The following NEK5 variants were observed in gnomAD, a reference collection of about 807,000 sequenced individuals.
The protein encoded by NEK5 is NIMA related kinase 5, also known as serine/threonine-protein kinase Nek5.
A neutral mutation model predicts 109.2 loss-of-function variants in NEK5; 88 were observed. The observed-to-expected ratio is 0.81, with a 90% CI of 0.68 to 0.96. The LOEUF is 0.96. Among genes scored for constraint, NEK5 ranks in the 40% least tolerant of loss-of-function variants. The pLI, the probability that NEK5 is intolerant of heterozygous loss-of-function variation, is 0.00. For missense variants in NEK5, 834 were observed against 920.7 expected (o/e 0.91, Z 1.22); for synonymous variants, 283 against 299.9 (o/e 0.94, Z 0.58).
At chr13:52,093,508 T>C (rs1030650555) in intron 12 of NEK5, among the ~76,000 whole-genome samples, 1 of 151,836 alleles carries the variant, frequency 6.6e-6, no homozygotes, top group Admixed American at 6.6e-5. Flanking sequence ...TGCAGTGAGC[T>C]GAGATCATGC....
At chr13:52,113,464 AAAAT>A (rs772203307) in intron 4 of NEK5, among the ~76,000 whole-genome samples, 7 of 152,162 alleles carry the variant, frequency 4.6e-5, no homozygotes, top group Non-Finnish European at 4.4e-5. Context: ...AGTGAGTTTA[AAAAT>A]AAATAAATAA....
At chr13:52,054,987 G>A (rs199851114) in intron 22 of NEK5, among the ~76,000 whole-genome samples, 13,750 of 149,386 alleles carry the variant, frequency 0.092, 608 homozygotes, top group Non-Finnish European at 0.12. Flanking sequence ...GGCTTCAGAC[G>A]ATCAAATTAC....
At position 52,110,341 on chromosome 13, in the gene NEK5, T is replaced by C; in HGVS notation, c.466A>G (p.Asn156Asp). Residue 156 changes from asparagine to aspartate, a missense_variant and splice_region_variant, in exon 7 of 24, where the codon AAT becomes GAT. By Grantham distance (23) the Asn-to-Asp change is conservative. This residue lies in a region of NEK5 where 777 missense variants were observed against 824.7 expected (regional missense o/e 0.94). Coordinates refer to ENST00000684899, the MANE Select transcript of NEK5 (RefSeq NM_001365552.1). The stretch of plus-strand genomic sequence containing the variant: ...AAAAATTATTTTCAAAGTACTTACT[T>C]ATTCAGGACTCTTGCTATACCAAAG... ...GDFGIARVLN[N>D]SMELARTCIG... The C allele has an allele frequency of 6.2e-7, 1 of 1,600,560 alleles. No homozygotes were observed. The highest frequency in any genetic ancestry group is 1.1e-5 in the South Asian group (1 of 90,616).
chr13:52,065,119 A>G (rs1329385905), intron 21 of NEK5: 1 of 302,958 alleles, frequency 3.3e-6, no homozygotes, highest in Non-Finnish European at 6.3e-6. Flanking sequence ...AATGATCAAT[A>G]AAAAATAAAA....
chr13:52,110,124 A>T (rs1955729449), intron 7 of NEK5, among the ~76,000 whole-genome samples: 1 of 152,220 alleles, frequency 6.6e-6, no homozygotes, highest in African/African-American at 2.4e-5. Context: ...AGAAACTGGA[A>T]TCACACTACA....
At chr13:52,113,341 T>G (rs1302549773) in intron 4 of NEK5, among the ~76,000 whole-genome samples, 1 of 152,128 alleles carries the variant, frequency 6.6e-6, no homozygotes, top group Non-Finnish European at 1.5e-5. Context: ...CTGAATTTTC[T>G]TGAACTGTAG....
At chr13:52,085,421 T>C (rs1379536288) in intron 16 of NEK5, among the ~76,000 whole-genome samples, 1 of 152,234 alleles carries the variant, frequency 6.6e-6, no homozygotes, top group Non-Finnish European at 1.5e-5. Context: ...CTCTAGTTCA[T>C]GGCCTGGCAA....
intron 21 of NEK5, among the ~76,000 whole-genome samples, chr13:52,064,500 G>C (rs530056100): frequency 6.7e-6 from 1 of 149,286 alleles, no homozygotes; most frequent in Non-Finnish European, 1.5e-5. Context: ...AGGGAGGTGG[G>C]GGGGTCAGCC....
Position 52,102,209 on chromosome 13 carries a change from C to T in NEK5, c.693G>A (p.Glu231=), listed in dbSNP as rs751910069. 29 of 1,613,898 alleles carry T rather than the reference C, an allele frequency of 1.8e-5. No homozygotes were observed. The South Asian group carries it at 2.7e-4, about 15-fold the overall frequency. Residue 231 remains glutamate, a synonymous_variant, in exon 10 of 24, where the codon GAG becomes GAA. Transcript: ENST00000684899. ...AGAGCTGAGATATCAAGGAATGGAG[C>T]TCACGAGAAAACCCCGGAGATATTG... ...FAPISPGFSR[E]LHSLISQLFQ...
At chr13:52,118,419 A>G (rs1005137760) in intron 4 of NEK5, among the ~76,000 whole-genome samples, 2 of 152,230 alleles carry the variant, frequency 1.3e-5, no homozygotes, top group Admixed American at 1.3e-4. Flanking sequence ...TCATGAAAAC[A>G]GGGATTTTCA....
At chr13:52,127,307 G>T in intron 3 of NEK5, 59 bp downstream of exon 3, 1 of 904,760 alleles carries the variant, frequency 1.1e-6, no homozygotes, top group Non-Finnish European at 1.8e-6. Context: ...TTTTATATTG[G>T]ATTAAAAGCC....
intron 17 of NEK5, 144 bp downstream of exon 17, chr13:52,083,116 A>C (rs1955047483): frequency 1.1e-5 from 6 of 569,978 alleles, no homozygotes; most frequent in Non-Finnish European, 1.9e-5. Flanking sequence ...ACTGCACTCC[A>C]ACCTGGCGAC....
intron 23 of NEK5, among the ~76,000 whole-genome samples, chr13:52,041,189 A>C (rs1954410036): frequency 6.6e-6 from 1 of 152,198 alleles, no homozygotes; most frequent in African/African-American, 2.4e-5. Flanking sequence ...AAATTAATAA[A>C]AGAAAAAAAT....
At position 52,061,875 on chromosome 13, in the gene NEK5, C is replaced by T; in HGVS notation, c.2054G>A (p.Ser685Asn). The T allele has an allele frequency of 1.0e-6, 1 of 985,736 alleles. No individual in the cohort carries two copies. Among genetic ancestry groups the T allele is most frequent in the African/African-American group, 1.7e-5 (1 of 57,358 alleles). 61.1% of individuals were successfully genotyped at this position (985,736 alleles called of 1,614,324 possible). ...WRHEAPGTLM[S>N]VLAAAHLTSS... ...CGTTAGATGTGCTGCTGCCAAAACA[C>T]TCATTAAAGTTCCTGGAGCTTCATG... Residue 685 changes from serine to asparagine, a missense_variant, in exon 22 of 24, where the codon AGT (serine) becomes AAT (asparagine). By Grantham distance (46) the Ser-to-Asn change is conservative. Coordinates refer to ENST00000684899, the MANE Select transcript of NEK5 (RefSeq NM_001365552.1).
chr13:52,127,807 C>T (rs1481162689), intron 1 of NEK5, 145 bp from the exon 2 acceptor site: 2 of 245,972 alleles, frequency 8.1e-6, no homozygotes, highest in Non-Finnish European at 1.6e-5. Context: ...ACCTGTTTTG[C>T]AAGTTTGTTC....
At chr13:52,078,592 G>GT (rs10634598) in intron 17 of NEK5, among the ~76,000 whole-genome samples, 23,529 of 149,230 alleles carry the variant, frequency 0.16, 1,918 homozygotes, top group Admixed American at 0.23. Context: ...CAATAAAACT[G>GT]TTTTTTTTTT....
chr13:52,063,612 C>T (rs1469206009), intron 21 of NEK5, among the ~76,000 whole-genome samples: 1 of 151,648 alleles, frequency 6.6e-6, no homozygotes, highest in Non-Finnish European at 1.5e-5. Flanking sequence ...AGCCGCCATC[C>T]CATCTAGGAA....
chr13:52,102,352 T>A, intron 9 of NEK5, 60 bp from the exon 10 acceptor site: 1 of 1,292,432 alleles, frequency 7.7e-7, no homozygotes, highest in Non-Finnish European at 1.1e-6. Context: ...TAACAAATAA[T>A]AAAAGTGTTA....
At chr13:52,062,875 C>T (rs1289514027) in intron 21 of NEK5, among the ~76,000 whole-genome samples, 1 of 152,052 alleles carries the variant, frequency 6.6e-6, no homozygotes, top group Non-Finnish European at 1.5e-5. Flanking sequence ...TATTAACTCT[C>T]GAAATCTTGT....
Sources: allele counts gnomAD v4.1 joint callset (sites outside exome capture counted in the v4.1 genomes callset), GRCh38; gene constraint gnomAD v4.1.1; regional missense constraint gnomAD v4.1.1; transcripts MANE v1.5; gene names NCBI Gene and HGNC (gene_info 2026-07-23, HGNC 2026-07-21).